MAP4: variants seen among roughly 807,000 people sequenced by gnomAD.
MAP4 encodes the protein microtubule associated protein 4.
In MAP4, 76 loss-of-function variants were observed where a neutral mutation model predicts 170.2. The observed-to-expected ratio is 0.45, with a 90% confidence interval of 0.37 to 0.54. MAP4 has a LOEUF of 0.54. MAP4 is among the 20% of genes least tolerant of loss of function. The probability of loss-of-function intolerance (pLI) is 0.00; values close to 1 mark genes in which losing one functional copy is unlikely to be tolerated. For synonymous variants in MAP4, 909 were observed against 994.5 expected, an observed-to-expected ratio of 0.91 and a Z score of 1.62; for missense variants, 2,506 against 2,748.0, an observed-to-expected ratio of 0.91 and a Z score of 1.97.
chr3:48,008,651 T>C (rs2100103697), intron 1 of MAP4, among the ~76,000 whole-genome samples: 1 of 152,244 alleles, frequency 6.6e-6, no homozygotes, highest in African/African-American at 2.4e-5. Context: ...GTATCCCATG[T>C]GAGTGCTCAC....
intron 2 of MAP4, among the ~76,000 whole-genome samples, chr3:47,997,324 GCT>G (rs2100096342): frequency 2.3e-5 from 1 of 43,382 alleles, no homozygotes; most frequent in African/African-American, 2.1e-4. Context: ...TATTTAAACT[GCT>G]AAAAAAAAAA....
At chr3:47,918,606 T>C in intron 6 of MAP4, 113 bp downstream of exon 6, 3 of 764,658 alleles carry the variant, frequency 3.9e-6, no homozygotes, top group Non-Finnish European at 4.4e-6. Flanking sequence ...ACATTTGTGA[T>C]TGTTCTGAAA....
intron 2 of MAP4, among the ~76,000 whole-genome samples, chr3:47,985,382 G>A (rs1362331083): frequency 6.6e-6 from 1 of 151,946 alleles, no homozygotes; most frequent in Non-Finnish European, 1.5e-5. Flanking sequence ...AAGGCTGCAG[G>A]GAGCCAAGAT....
At chr3:47,891,012 T>C in intron 10 of MAP4, 1 of 1,458,482 alleles carries the variant, frequency 6.9e-7, no homozygotes, top group South Asian at 1.4e-5. Context: ...GAGGCAAAAT[T>C]TAGAAACATA....
At chr3:47,920,638 A>G (rs1049251022) in intron 5 of MAP4, among the ~76,000 whole-genome samples, 4 of 147,022 alleles carry the variant, frequency 2.7e-5, no homozygotes, top group African/African-American at 1.0e-4. Context: ...TGCAGCCTCG[A>G]CCTTCTGGGC....
chr3:47,916,394 A>G lies in MAP4; in HGVS notation c.1433T>C (p.Met478Thr). Residue 478 changes from methionine to threonine, a missense_variant, in exon 7 of 21, where the codon ATG (methionine) becomes ACG (threonine). By Grantham distance (81) the Met-to-Thr change is moderately conservative (BLOSUM62 -1). This residue lies in a region of MAP4 where 2,008 missense variants were observed against 2,206.0 expected (regional missense o/e 0.91). Transcript: ENST00000683076. ...LEAEVAPVKDMAQLPETEIAP... is the reference protein window; with the variant it reads ...LEAEVAPVKDTAQLPETEIAP... The stretch of plus-strand genomic sequence containing the variant: ...TATTTCTGTTTCTGGGAGTTGAGCC[A>G]TGTCCTTGACTGGGGCCACCTCTGC... 1 of 1,614,186 alleles carries G rather than the reference A, an allele frequency of 6.2e-7. No homozygotes were observed. Among genetic ancestry groups the G allele is most frequent in the East Asian group, 2.2e-5 (1 of 44,890 alleles).
At chr3:48,088,263 A>T (rs2100150436) in intron 1 of MAP4, among the ~76,000 whole-genome samples, 1 of 137,752 alleles carries the variant, frequency 7.3e-6, no homozygotes, top group Non-Finnish European at 1.5e-5. Context: ...TGCAAGGGGG[A>T]AGAGCCCCGC....
intron 1 of MAP4, among the ~76,000 whole-genome samples, chr3:48,014,041 C>T (rs1250095556): frequency 2.0e-5 from 3 of 152,108 alleles, no homozygotes; most frequent in Admixed American, 6.5e-5. Context: ...TGATAAAATA[C>T]TCTCTTGACT....
At chr3:48,070,819 T>C (rs1232973967) in intron 1 of MAP4, among the ~76,000 whole-genome samples, 2 of 145,356 alleles carry the variant, frequency 1.4e-5, no homozygotes, top group East Asian at 2.0e-4. Context: ...CTGGGCAACA[T>C]AGTGAGATCT....
chr3:47,997,356 T>TA (rs1482036625), intron 2 of MAP4, among the ~76,000 whole-genome samples: 8 of 92,126 alleles, frequency 8.7e-5, no homozygotes, highest in Non-Finnish European at 1.7e-4. Flanking sequence ...GATAAAATCT[T>TA]AAAGGCAGAC....
intron 4 of MAP4, among the ~76,000 whole-genome samples, chr3:47,922,612 G>T (rs2153707168): frequency 6.6e-6 from 1 of 151,344 alleles, no homozygotes; most frequent in Admixed American, 6.6e-5. Context: ...TGGACATGAT[G>T]AAGAAAACTG....
rs143751961 is a variant in MAP4 at position 47,916,227 on chromosome 3, C to T, written c.1600G>A (p.Val534Ile). 325 of 1,614,192 alleles carry T rather than the reference C, an allele frequency of 2.0e-4. No homozygotes were observed. The African/African-American group carries it at 3.0e-3, about 15-fold the overall frequency. ...ACCTCCATTTCTGGAGGCAGACATACGTTCTTGATGAGAACTACTTCTGTT... is the reference window on the plus strand; with the variant it reads ...ACCTCCATTTCTGGAGGCAGACATATGTTCTTGATGAGAACTACTTCTGTT... ...PETEVVLIKN[V>I]CLPPEMEVAL... The change falls in exon 7 of 21, where the codon GTA (valine) becomes ATA (isoleucine). Residue 534 changes from valine (V) to isoleucine (I), a missense_variant. Physicochemically the swap from Val to Ile is conservative, Grantham distance 29. This residue lies in a region of MAP4 where 2,008 missense variants were observed against 2,206.0 expected (regional missense o/e 0.91). Coordinates refer to ENST00000683076, the MANE Select transcript of MAP4 (RefSeq NM_001385682.1).
In MAP4 at chr3:47,852,915, G is replaced by C. The variant is rs2045698819; in HGVS notation, c.*19C>G. On this transcript the variant is annotated 3_prime_UTR_variant, in exon 21 of 21. Coordinates refer to ENST00000683076, the MANE Select transcript of MAP4 (RefSeq NM_001385682.1). ...CGGTGCGGGCCCTGGCATTTGCCCG[G>C]AACGTCAGCCTGTAGGTCTCAATCT... 6.2e-7 allele frequency: 1 copy of C among 1,610,720 alleles called. No individual in the cohort carries two copies. Among genetic ancestry groups the C allele is most frequent in the Admixed American group, 1.7e-5 (1 of 59,614 alleles).
At chr3:48,053,264 T>C (rs2100128854) in intron 1 of MAP4, among the ~76,000 whole-genome samples, 1 of 152,218 alleles carries the variant, frequency 6.6e-6, no homozygotes. Context: ...TCTGCAAGTA[T>C]ACCACATAGC....
At chr3:48,008,412 C>T (rs1217346201) in intron 1 of MAP4, among the ~76,000 whole-genome samples, 1 of 152,212 alleles carries the variant, frequency 6.6e-6, no homozygotes, top group Non-Finnish European at 1.5e-5. Flanking sequence ...TGAAGGACAA[C>T]AATGAAGGGA....
chr3:48,022,736 A>G (rs1255258942), intron 1 of MAP4, among the ~76,000 whole-genome samples: 2 of 152,116 alleles, frequency 1.3e-5, no homozygotes, highest in Non-Finnish European at 2.9e-5. Context: ...GAAAAACACA[A>G]CAAAATTAGC....
At chr3:47,920,484 C>G (rs1012909375) in intron 5 of MAP4, among the ~76,000 whole-genome samples, 1 of 151,368 alleles carries the variant, frequency 6.6e-6, no homozygotes, top group Non-Finnish European at 1.5e-5. Context: ...CTCAAGTGAT[C>G]CATCCGCCTT....
chr3:47,876,519 TTAAC>T (rs1280534082), intron 11 of MAP4, among the ~76,000 whole-genome samples: 3 of 152,224 alleles, frequency 2.0e-5, no homozygotes, highest in Admixed American at 1.3e-4. Context: ...CTCTTAATAA[TTAAC>T]TAACTTTTGG....
intron 1 of MAP4, among the ~76,000 whole-genome samples, chr3:48,067,737 T>C (rs2100139017): frequency 2.0e-5 from 3 of 151,602 alleles, no homozygotes; most frequent in Admixed American, 2.0e-4. Context: ...CTTCCTGGGT[T>C]CAAGCGATTC....
Sources: allele counts gnomAD v4.1 joint callset (sites outside exome capture counted in the v4.1 genomes callset), GRCh38; gene constraint gnomAD v4.1.1; regional missense constraint gnomAD v4.1.1; transcripts MANE v1.5; gene names NCBI Gene and HGNC (gene_info 2026-07-23, HGNC 2026-07-21).